TMIE: variants seen among roughly 807,000 people sequenced by gnomAD.
The protein encoded by TMIE is transmembrane inner ear, also known as transmembrane inner ear expressed protein.
TMIE carries 14 observed loss-of-function variants against 16.8 expected under a neutral mutation model. That is an observed-to-expected ratio of 0.83 (90% CI 0.55 to 1.30). TMIE has a LOEUF of 1.30. Ranked by LOEUF, TMIE falls within the 50% of genes most tolerant of loss-of-function variation. The pLI is 0.00. For missense variants in TMIE, 204 were observed against 205.9 expected (o/e 0.99, Z 0.06); for synonymous variants, 75 against 87.2 (o/e 0.86, Z 0.78).
rs148223032 is a variant in TMIE, at chr3:46,706,034, G to A, written c.211+127G>A. 1.6e-3 allele frequency: 1,573 copies of A among 975,622 alleles called. 3 individuals are homozygous for A. The highest frequency in any genetic ancestry group is 1.9e-3 in the Non-Finnish European group (1,147 of 609,356). The allele number at this position is 975,622 out of a possible 1,614,324, so 60.4% of individuals were successfully genotyped here. A position where few individuals can be genotyped will look rare whatever the true frequency, so the allele number is the denominator to read the frequency against. On this transcript the variant is annotated intron_variant, in intron 2 of 3. Transcript: ENST00000643606. ...GGCCAGGCACCCGCAGGAGACCCGCGGTGGTTTCTGGCACCTCCTGATCCA... is the reference window on the plus strand; with the variant it reads ...GGCCAGGCACCCGCAGGAGACCCGCAGTGGTTTCTGGCACCTCCTGATCCA...
At chr3:46,706,121 G>C (rs978458414) in intron 2 of TMIE, among the ~76,000 whole-genome samples, 2 of 152,244 alleles carry the variant, frequency 1.3e-5, no homozygotes, top group African/African-American at 4.8e-5. Flanking sequence ...GCAGGACCCA[G>C]GGAGGTAGCC....
intron 3 of TMIE, 78 bp downstream of exon 3, chr3:46,709,353 G>T: frequency 6.2e-7 from 1 of 1,608,958 alleles, no homozygotes; most frequent in Non-Finnish European, 8.5e-7. Flanking sequence ...CTGTTCCTCT[G>T]CTCCAACCAA....
intron 2 of TMIE, among the ~76,000 whole-genome samples, chr3:46,707,242 A>G (rs891330719): frequency 1.3e-5 from 2 of 152,234 alleles, no homozygotes; most frequent in African/African-American, 2.4e-5. Flanking sequence ...ATGCAGGTCT[A>G]CGGAGCAGCA....
At chr3:46,701,238 G>T, upstream of TMIE, 1 of 409,828 alleles carries the variant, frequency 2.4e-6, no homozygotes, top group Non-Finnish European at 4.4e-6. This position sits in a 1 kb window ranked among gnomAD's most constrained non-coding sequence, Gnocchi z 4.3. Context: ...CAGTGTCCCT[G>T]GGGATGCGGA....
At chr3:46,704,143 G>A (rs574781082) in intron 1 of TMIE, among the ~76,000 whole-genome samples, 29 of 152,068 alleles carry the variant, frequency 1.9e-4, no homozygotes, top group African/African-American at 6.5e-4. Flanking sequence ...TAGACACCCA[G>A]GGCAGGACCG....
Position 46,709,249 on chromosome 3 carries a change from T to A in TMIE, c.335T>A (p.Leu112His). 1 of 1,614,080 alleles carries A rather than the reference T, an allele frequency of 6.2e-7. No homozygotes were observed. Among genetic ancestry groups the A allele is most frequent in the Non-Finnish European group, 8.5e-7 (1 of 1,180,018 alleles). Residue 112 changes from leucine to histidine, a missense_variant, in exon 3 of 4, where the codon CTC (leucine) becomes CAC (histidine). Coordinates refer to ENST00000643606, the MANE Select transcript of TMIE (RefSeq NM_147196.3). The stretch of plus-strand genomic sequence containing the variant: ...GACAAGCTGGAGACTGTGCCACCCC[T>A]CAATGAGCTCACAGAAGTCCCAGGA... ...YTDKLETVPP[L>H]NELTEVPGED...
chr3:46,701,314 C>T, upstream of TMIE: 1 of 510,648 alleles, frequency 2.0e-6, no homozygotes, highest in Non-Finnish European at 3.4e-6. This position sits in a 1 kb window ranked among gnomAD's most constrained non-coding sequence, Gnocchi z 4.3. Context: ...GGCCCTCCAC[C>T]GCAGCGATGG....
Position 46,709,198 on chromosome 3 carries a change from A to G in TMIE, c.284A>G (p.Gln95Arg), listed in dbSNP as rs748772949. Residue 95 changes from glutamine (Q) to arginine (R), a missense_variant, in exon 3 of 4, where the codon CAG becomes CGG. Gln to Arg is a conservative substitution (Grantham distance 43, BLOSUM62 1). Coordinates refer to ENST00000643606, the MANE Select transcript of TMIE (RefSeq NM_147196.3). ...TRKEIEARYL[Q>R]RKAAKMYTDK... is the part of the protein sequence containing the mutation. ...AAGGAGATCGAAGCCCGGTACCTGC[A>G]GCGAAAGGCAGCCAAGATGTACACA... The G allele has an allele frequency of 6.2e-7, 1 of 1,614,152 alleles. No homozygotes were observed. Among genetic ancestry groups the G allele is most frequent in the Admixed American group, 1.7e-5 (1 of 60,036 alleles).
upstream of TMIE, among the ~76,000 whole-genome samples, chr3:46,694,088 G>C (rs951672746): frequency 6.6e-6 from 1 of 152,190 alleles, no homozygotes; most frequent in Non-Finnish European, 1.5e-5. Context: ...GTGACCTCCC[G>C]GGTCTGCCCT....
At position 46,710,696 on chromosome 3, in the gene TMIE, C is replaced by T. The variant is rs1297665148; in HGVS notation, c.*1008C>T. 2 of 152,204 alleles carry T rather than the reference C, an allele frequency of 1.3e-5. No individual in the cohort carries two copies. The highest frequency in any genetic ancestry group is 4.8e-5 in the African/African-American group (2 of 41,436). The allele number at this position is 152,204 out of a possible 1,614,324, so 9.4% of individuals were successfully genotyped here. A position where few individuals can be genotyped will look rare whatever the true frequency, so the allele number is the denominator to read the frequency against. On this transcript the variant is annotated 3_prime_UTR_variant, in exon 4 of 4. Coordinates refer to ENST00000643606, the MANE Select transcript of TMIE (RefSeq NM_147196.3). ...AAAAGAAGCATCTCTGACCAGAAGA[C>T]AAAGGCCCAAATAGCACCTGGGGGA...
In TMIE at chr3:46,709,129, T is replaced by C. The variant is rs1381772066; in HGVS notation, c.215T>C (p.Ile72Thr). The C allele has an allele frequency of 6.2e-6, 10 of 1,613,960 alleles. No individual in the cohort carries two copies. In the South Asian group the frequency reaches 7.7e-5, roughly 12 times the overall value. Residue 72 changes from isoleucine to threonine, a missense_variant, in exon 3 of 4, where the codon ATC becomes ACC. Physicochemically the swap from Ile to Thr is moderately conservative, Grantham distance 89. Transcript: ENST00000643606. ...IFSLFVLSIIITLCCVFNCRV... is the reference protein window; with the variant it reads ...IFSLFVLSIITTLCCVFNCRV... The stretch of plus-strand genomic sequence containing the variant: ...GCCTGCTCTGTCCTCCCTACAGTCA[T>C]CACGCTGTGCTGTGTCTTCAACTGT...
Position 46,708,359 on chromosome 3 carries a change from A to G in TMIE, c.212-767A>G, listed in dbSNP as rs573842384. ...GAAGTTATGTCTGGTCATCTGATTTATAATAGGAACCAGCTCCATCCCCTC... is the reference window on the plus strand; with the variant it reads ...GAAGTTATGTCTGGTCATCTGATTTGTAATAGGAACCAGCTCCATCCCCTC... On this transcript the variant is annotated intron_variant, in intron 2 of 3. Coordinates refer to ENST00000643606, the MANE Select transcript of TMIE (RefSeq NM_147196.3). Among the ~76,000 whole-genome samples, 12 of 152,216 alleles carry G rather than the reference A, an allele frequency of 7.9e-5. No individual in the cohort carries two copies. The South Asian group carries it at 2.5e-3, about 32-fold the overall frequency.
At chr3:46,695,426 G>T (rs1223392562) in intron 1 of TMIE, among the ~76,000 whole-genome samples, 1 of 152,180 alleles carries the variant, frequency 6.6e-6, no homozygotes, top group East Asian at 1.9e-4. Flanking sequence ...CCTTCTCGGG[G>T]TTATGTGGGA....
In TMIE at chr3:46,709,902, C is replaced by A; in HGVS notation, c.*214C>A. ...CCCAGCCTAGGCTTGGCTCCTTTCACCCCATCCACATGGGTACTGTCTCGG... is the reference window on the plus strand; with the variant it reads ...CCCAGCCTAGGCTTGGCTCCTTTCAACCCATCCACATGGGTACTGTCTCGG... On this transcript the variant is annotated 3_prime_UTR_variant, in exon 4 of 4. Transcript: ENST00000643606. 2 of 937,376 alleles carry A rather than the reference C, an allele frequency of 2.1e-6. No homozygotes were observed. Among genetic ancestry groups the A allele is most frequent in the Non-Finnish European group, 3.2e-6 (2 of 634,734 alleles). 58.1% of individuals were successfully genotyped at this position (937,376 alleles called of 1,614,324 possible). A position where few individuals can be genotyped will look rare whatever the true frequency, so the allele number is the denominator to read the frequency against.
intron 1 of TMIE, among the ~76,000 whole-genome samples, chr3:46,704,450 T>C (rs1325416367): frequency 1.5e-5 from 2 of 129,542 alleles, no homozygotes; most frequent in African/African-American, 6.0e-5. Flanking sequence ...GGCAGGACCA[T>C]GTCCCCTAGA....
chr3:46,706,053 T>C, intron 2 of TMIE, 146 bp downstream of exon 2: 1 of 847,292 alleles, frequency 1.2e-6, no homozygotes, highest in East Asian at 2.5e-5. Context: ...TGGCACCTCC[T>C]GATCCACACA....
chr3:46,698,898 G>T (rs1036786328), upstream of TMIE, among the ~76,000 whole-genome samples: 3 of 150,886 alleles, frequency 2.0e-5, no homozygotes, highest in Non-Finnish European at 4.4e-5. Flanking sequence ...GCTTAGGCTG[G>T]TCTCAAACTC....
At chr3:46,706,640 C>T (rs1012541825) in intron 2 of TMIE, among the ~76,000 whole-genome samples, 14 of 152,188 alleles carry the variant, frequency 9.2e-5, no homozygotes, top group African/African-American at 2.9e-4. Context: ...AAGCAGCCCA[C>T]TCCCCTGCAA....
chr3:46,699,962 C>T (rs1316362287), upstream of TMIE, among the ~76,000 whole-genome samples: 2 of 152,242 alleles, frequency 1.3e-5, no homozygotes, highest in African/African-American at 4.8e-5. Context: ...GACAGGCTCA[C>T]TTAGTCCTCA....
Sources: gnomAD v4.1 joint callset for allele counts (sites outside exome capture counted in the v4.1 genomes callset) on GRCh38, gnomAD v4.1.1 for gene constraint, Gnocchi (gnomAD v3.1) non-coding constraint, MANE v1.5 for transcripts, NCBI Gene and HGNC (gene_info 2026-07-23, HGNC 2026-07-21) for gene names.